The following DYNLT2B variants were observed in gnomAD, a reference collection of about 807,000 sequenced individuals.
The protein encoded by DYNLT2B is dynein light chain Tctex-type 2B.
In DYNLT2B, 14 loss-of-function variants were observed where a neutral mutation model predicts 19.5. That is an observed-to-expected ratio of 0.72 (90% CI 0.47 to 1.12). The LOEUF is 1.12. Among genes scored for constraint, DYNLT2B ranks in the 50% most tolerant of loss-of-function variants. The pLI, the probability that DYNLT2B is intolerant of heterozygous loss-of-function variation, is 0.00. For synonymous variants in DYNLT2B, 70 were observed against 59.7 expected (o/e 1.17, Z -0.79); for missense variants, 133 against 174.7 (o/e 0.76, Z 1.35).
chr3:196,315,925 G>T (rs1036549542), intron 2 of DYNLT2B, among the ~76,000 whole-genome samples, 173 bp downstream of exon 2: 1 of 152,090 alleles, frequency 6.6e-6, no homozygotes, highest in African/African-American at 2.4e-5. Context: ...GGCTGGTACT[G>T]AACTCCAGAG....
intron 2 of DYNLT2B, chr3:196,315,266 CT>C (rs34104361): frequency 0.36 from 129,404 of 359,580 alleles, 9,287 homozygotes; most frequent in East Asian, 0.62. Flanking sequence ...TTTTATTTTG[CT>C]TTTTTTTTTT....
chr3:196,308,809 C>A (rs1726557414), intron 2 of DYNLT2B, among the ~76,000 whole-genome samples: 1 of 152,148 alleles, frequency 6.6e-6, no homozygotes, highest in Non-Finnish European at 1.5e-5. Flanking sequence ...CTTTCTCTAA[C>A]CAATCCCAAA....
intron 1 of DYNLT2B, 34 bp downstream of exon 1, chr3:196,318,006 G>C: frequency 7.3e-7 from 1 of 1,363,828 alleles, no homozygotes; most frequent in Non-Finnish European, 9.8e-7. Flanking sequence ...CAGCGCGCTC[G>C]AGGTCGCCCC....
At chr3:196,295,965 A>G in intron 4 of DYNLT2B, 41 bp downstream of exon 4, 1 of 1,552,550 alleles carries the variant, frequency 6.4e-7, no homozygotes, top group Non-Finnish European at 8.9e-7. Context: ...TGCGGTGCCC[A>G]CGTTCTTAGA....
intron 4 of DYNLT2B, among the ~76,000 whole-genome samples, chr3:196,293,763 G>A (rs539867773): frequency 4.7e-5 from 7 of 147,438 alleles, no homozygotes; most frequent in Non-Finnish European, 1.0e-4. Context: ...TCCTGCCTCA[G>A]CCTCCCGAGT....
At chr3:196,317,996 C>G in intron 1 of DYNLT2B, 44 bp downstream of exon 1, 3 of 1,293,456 alleles carry the variant, frequency 2.3e-6, no homozygotes, top group Non-Finnish European at 3.1e-6. Context: ...CCCCTCAGAC[C>G]AGCGCGCTCG....
At chr3:196,310,754 G>A (rs935260269) in intron 2 of DYNLT2B, among the ~76,000 whole-genome samples, 5 of 151,252 alleles carry the variant, frequency 3.3e-5, no homozygotes, top group African/African-American at 9.7e-5. Flanking sequence ...TGTTTTTTTG[G>A]AGATAGGGTC....
At chr3:196,298,999 C>T (rs566951161) in intron 3 of DYNLT2B, among the ~76,000 whole-genome samples, 32 of 152,238 alleles carry the variant, frequency 2.1e-4, no homozygotes, top group African/African-American at 7.7e-4. Context: ...GCAACCTCTG[C>T]CTCCCCAGGC....
Position 196,318,033 on chromosome 3 carries a change from T to C in DYNLT2B, c.113+7A>G, listed in dbSNP as rs752092511. On this transcript the variant is annotated splice_region_variant and intron_variant, in intron 1 of 4. Transcript: ENST00000325318. ...GGTCGCCCCGCCACAGCCCGTCCTCTACCCGCCTCTGCTGGAAAACAGGCC... is the reference window on the plus strand; with the variant it reads ...GGTCGCCCCGCCACAGCCCGTCCTCCACCCGCCTCTGCTGGAAAACAGGCC... 6.7e-7 allele frequency: 1 copy of C among 1,496,728 alleles called. No homozygotes were observed. The highest frequency in any genetic ancestry group is 8.9e-7 in the Non-Finnish European group (1 of 1,121,232). The allele number at this position is 1,496,728 out of a possible 1,614,324, so 92.7% of individuals were successfully genotyped here.
rs140081814 is a variant in DYNLT2B at position 196,309,395 on chromosome 3, A to G, written c.248-2383T>C. Reference sequence around the variant, plus strand: ...ATCTTCCTGCCTCAGACTCCCGAGTAGCTGGGATTACAGGCATGAACCACC... The same window carrying G: ...ATCTTCCTGCCTCAGACTCCCGAGTGGCTGGGATTACAGGCATGAACCACC... On this transcript the variant is annotated intron_variant, in intron 2 of 4. Coordinates refer to ENST00000325318, the MANE Select transcript of DYNLT2B (RefSeq NM_152773.5). Among the ~76,000 whole-genome samples the G allele has an allele frequency of 5.9e-5, 9 of 152,120 alleles. 1 individual carries two copies. In the East Asian group the frequency reaches 1.7e-3, roughly 30 times the overall value.
Position 196,313,526 on chromosome 3 carries a change from T to C in DYNLT2B, c.247+2572A>G, listed in dbSNP as rs1726694791. ...TAATGATTGTTTATTGGTGGTGGCA[T>C]TCAGGTGATTTTTCTCATTTTATTT... On this transcript the variant is annotated intron_variant, in intron 2 of 4. Transcript: ENST00000325318. 3.3e-5 allele frequency among the ~76,000 whole-genome samples: 5 copies of C among 152,244 alleles called. No homozygotes were observed. The South Asian group carries it at 1.0e-3, about 32-fold the overall frequency.
intron 3 of DYNLT2B, among the ~76,000 whole-genome samples, chr3:196,304,207 A>G (rs1288089105): frequency 6.6e-6 from 1 of 151,800 alleles, no homozygotes; most frequent in African/African-American, 2.4e-5. Context: ...ATCTCAGCTC[A>G]CTGCAACCTC....
intron 3 of DYNLT2B, among the ~76,000 whole-genome samples, chr3:196,306,420 CCT>C (rs1394423916): frequency 4.1e-5 from 6 of 147,698 alleles, no homozygotes; most frequent in African/African-American, 4.9e-5. Context: ...AAAATGAGAC[CCT>C]GTCTCTTTAA....
intron 1 of DYNLT2B, among the ~76,000 whole-genome samples, chr3:196,317,058 GT>G (rs1233266215): frequency 4.2e-5 from 4 of 94,694 alleles, no homozygotes; most frequent in East Asian, 8.6e-4. Context: ...TGTGGTGTGT[GT>G]GTGGTGTGTG....
chr3:196,316,332 A>C, intron 1 of DYNLT2B, 101 bp from the exon 2 acceptor site: 1 of 1,197,186 alleles, frequency 8.4e-7, no homozygotes, highest in Non-Finnish European at 1.1e-6. Context: ...GTACCACTTA[A>C]TCCTTCTTTT....
intron 3 of DYNLT2B, among the ~76,000 whole-genome samples, chr3:196,300,467 C>T (rs188910231): frequency 3.0e-4 from 45 of 152,226 alleles, no homozygotes; most frequent in Non-Finnish European, 2.9e-5. Flanking sequence ...CAGTGGCTCA[C>T]GCCCATAATC....
At chr3:196,294,280 G>A (rs986628369) in intron 4 of DYNLT2B, among the ~76,000 whole-genome samples, 7 of 152,198 alleles carry the variant, frequency 4.6e-5, no homozygotes, top group African/African-American at 1.7e-4. Context: ...CCGGGAGGTG[G>A]AGGTTGTGGT....
intron 3 of DYNLT2B, among the ~76,000 whole-genome samples, chr3:196,300,730 CAAAAAA>C (rs1171224774): frequency 0.021 from 1,457 of 68,846 alleles, 15 homozygotes; most frequent in Non-Finnish European, 0.031. Flanking sequence ...ACTCTGTCTC[CAAAAAA>C]AAAAAAAAAA....
intron 4 of DYNLT2B, 66 bp from the exon 5 acceptor site, chr3:196,291,440 C>G: frequency 4.0e-6 from 6 of 1,501,446 alleles, no homozygotes; most frequent in Non-Finnish European, 5.4e-6. Context: ...ATGAGAGCAG[C>G]ACAGGCAACT....
Sources: allele counts gnomAD v4.1 joint callset (sites outside exome capture counted in the v4.1 genomes callset), GRCh38; gene constraint gnomAD v4.1.1; transcripts MANE v1.5; gene names NCBI Gene and HGNC (gene_info 2026-07-23, HGNC 2026-07-21).